Variants in SDHAF1 observed in about 807,000 individuals in gnomAD.
The protein encoded by SDHAF1 is succinate dehydrogenase assembly factor 1, mitochondrial.
For synonymous variants in SDHAF1, 81 were observed against 85.8 expected (o/e 0.94, Z 0.31); for missense variants, 198 against 179.0 (o/e 1.11, Z -0.61).
rs1026663549 is a variant in SDHAF1 at position 35,995,518 on chromosome 19, A to T, written c.244A>T (p.Thr82Ser). 1 of 1,534,550 alleles carries T rather than the reference A, an allele frequency of 6.5e-7. No individual in the cohort carries two copies. Among genetic ancestry groups the T allele is most frequent in the Admixed American group, 2.0e-5 (1 of 50,982 alleles). Residue 82 changes from threonine to serine, a missense_variant, in exon 1 of 1, where the codon ACC becomes TCC. Physicochemically the swap from Thr to Ser is moderately conservative, Grantham distance 58. Transcript: ENST00000378887. ...CGCCTTCGTACGCCCGCGGGCCCCG[A>T]CCGGGGAGCCTGGCGGCGTGGGTTG... ...MGAFVRPRAPTGEPGGVGCQP... is the reference protein window; with the variant it reads ...MGAFVRPRAPSGEPGGVGCQP...
chr19:35,995,755 A>C lies in SDHAF1; in HGVS notation c.*133A>C. 1 of 715,780 alleles carries C rather than the reference A, an allele frequency of 1.4e-6. No individual in the cohort carries two copies. The highest frequency in any genetic ancestry group is 1.9e-5 in the African/African-American group (1 of 53,820). The allele number at this position is 715,780 out of a possible 1,614,324, so 44.3% of individuals were successfully genotyped here. The stretch of plus-strand genomic sequence containing the variant: ...GCTTGACGAATTGGGGATGTCAGAG[A>C]CTCCTCCTTGGCGACGCAGGGGGCC... On this transcript the variant is annotated 3_prime_UTR_variant, in exon 1 of 1. Transcript: ENST00000378887.
Position 35,995,250 on chromosome 19 carries a change from T to A in SDHAF1, c.-25T>A. ...GCTCCGCGGTTCGCAGGTCGTTCGC[T>A]GAGCGTCTCTGCTTAGCCGCGGTCA... On this transcript the variant is annotated 5_prime_UTR_variant, in exon 1 of 1. Coordinates refer to ENST00000378887, the MANE Select transcript of SDHAF1 (RefSeq NM_001042631.3). 6.7e-7 allele frequency: 1 copy of A among 1,502,912 alleles called. No homozygotes were observed. Among genetic ancestry groups the A allele is most frequent in the Non-Finnish European group, 8.9e-7 (1 of 1,120,748 alleles). 93.1% of individuals were successfully genotyped at this position (1,502,912 alleles called of 1,614,324 possible). A position where few individuals can be genotyped will look rare whatever the true frequency, so the allele number is the denominator to read the frequency against.
Position 35,995,376 on chromosome 19 carries a change from A to AGAGTTCCGGCAGCATGCGGGCC in SDHAF1, c.103_124dup (p.Leu42ArgfsTer59). On this transcript the variant is annotated frameshift_variant, in exon 1 of 1. Transcript: ENST00000378887. LOFTEE classifies it low-confidence loss of function (END_TRUNC). ...CGGGCGCCGAGGCGCGAGTGCGGGC[A>AGAGTTCCGGCAGCATGCGGGCC]GAGTTCCGGCAGCATGCGGGCCTGC... The AGAGTTCCGGCAGCATGCGGGCC allele has an allele frequency of 6.4e-7, 1 of 1,558,516 alleles. No individual in the cohort carries two copies. The highest frequency in any genetic ancestry group is 8.6e-7 in the Non-Finnish European group (1 of 1,159,728).
chr19:35,995,800 C>G lies in SDHAF1; in HGVS notation c.*178C>G, dbSNP rs1160988770. 4 of 598,396 alleles carry G rather than the reference C, an allele frequency of 6.7e-6. No individual in the cohort carries two copies. The highest frequency in any genetic ancestry group is 1.2e-5 in the Non-Finnish European group (4 of 336,258). 37.1% of individuals were successfully genotyped at this position (598,396 alleles called of 1,614,324 possible). On this transcript the variant is annotated 3_prime_UTR_variant, in exon 1 of 1. Coordinates refer to ENST00000378887, the MANE Select transcript of SDHAF1 (RefSeq NM_001042631.3). ...GGGGCCTAGAGAGCCCCGTGATGGA[C>G]GGCAAGGGAGGCCCGCCTTTTCCGA...
Position 35,995,889 on chromosome 19 carries a change from G to C in SDHAF1, c.*267G>C, listed in dbSNP as rs535335153. The C allele has an allele frequency of 1.8e-4, 94 of 532,572 alleles. No individual in the cohort carries two copies. Among genetic ancestry groups the C allele is most frequent in the African/African-American group, 1.6e-3 (78 of 49,700 alleles). 33.0% of individuals were successfully genotyped at this position (532,572 alleles called of 1,614,324 possible). A position where few individuals can be genotyped will look rare whatever the true frequency, so the allele number is the denominator to read the frequency against. ...TTGGGGCGGCCTGGGACGCTGGCGG[G>C]CTGGACAGTGTCAAGCCAAGAGCTA... is the stretch of plus-strand genomic sequence containing the variant. On this transcript the variant is annotated 3_prime_UTR_variant, in exon 1 of 1. Coordinates refer to ENST00000378887, the MANE Select transcript of SDHAF1 (RefSeq NM_001042631.3).
Position 35,995,853 on chromosome 19 carries a change from C to T in SDHAF1, c.*231C>T. ...CTTGGAGACAGGTCGGTGCTCCTCC[C>T]CCATGAGGGCTTGGGGCGGCCTGGG... On this transcript the variant is annotated 3_prime_UTR_variant, in exon 1 of 1. Coordinates refer to ENST00000378887, the MANE Select transcript of SDHAF1 (RefSeq NM_001042631.3). 1 of 568,028 alleles carries T rather than the reference C, an allele frequency of 1.8e-6. No individual in the cohort carries two copies. The allele number at this position is 568,028 out of a possible 1,614,324, so 35.2% of individuals were successfully genotyped here.
Position 35,995,659 on chromosome 19 carries a change from A to T in SDHAF1, c.*37A>T. The T allele has an allele frequency of 1.3e-6, 2 of 1,488,064 alleles. No individual in the cohort carries two copies. Among genetic ancestry groups the T allele is most frequent in the Non-Finnish European group, 1.8e-6 (2 of 1,090,718 alleles). 92.2% of individuals were successfully genotyped at this position (1,488,064 alleles called of 1,614,324 possible). On this transcript the variant is annotated 3_prime_UTR_variant, in exon 1 of 1. Coordinates refer to ENST00000378887, the MANE Select transcript of SDHAF1 (RefSeq NM_001042631.3). ...CCGAACTCGCTCGATGGCGTGGTGG[A>T]GCCAGGAGGCTCGCCTGACTGCATG...
rs1369632878 is a variant in SDHAF1 at position 35,995,240 on chromosome 19, G to A, written c.-35G>A. 2 of 1,456,804 alleles carry A rather than the reference G, an allele frequency of 1.4e-6. No homozygotes were observed. Among genetic ancestry groups the A allele is most frequent in the Non-Finnish European group, 1.9e-6 (2 of 1,079,746 alleles). The allele number at this position is 1,456,804 out of a possible 1,614,324, so 90.2% of individuals were successfully genotyped here. A position where few individuals can be genotyped will look rare whatever the true frequency, so the allele number is the denominator to read the frequency against. ...CTGTGTGGCGGCTCCGCGGTTCGCA[G>A]GTCGTTCGCTGAGCGTCTCTGCTTA... On this transcript the variant is annotated 5_prime_UTR_variant, in exon 1 of 1. Coordinates refer to ENST00000378887, the MANE Select transcript of SDHAF1 (RefSeq NM_001042631.3).
rs768768823 is a variant in SDHAF1, at chr19:35,995,430, C to A, written c.156C>A (p.Tyr52Ter). The change falls in exon 1 of 1, where the codon TAC becomes TAA. Residue 52 changes from tyrosine to a stop codon, truncating the protein, a stop_gained. Transcript: ENST00000378887. LOFTEE classifies it low-confidence loss of function (END_TRUNC). The stretch of plus-strand genomic sequence containing the variant: ...GGTCCGACGTGCTGCGCATCGAGTA[C>A]CTGTACCGCCGCGGGCGGCGCCAGC... ...LPRSDVLRIE[Y>*]LYRRGRRQLQ... is the part of the protein sequence containing the mutation. 15 of 1,570,612 alleles carry A rather than the reference C, an allele frequency of 9.6e-6. No homozygotes were observed. In the Admixed American group the frequency reaches 2.5e-4, roughly 26 times the overall value.
In SDHAF1 at chr19:35,995,289, C is replaced by T. The variant is rs1196619888; in HGVS notation, c.15C>T (p.Ser5=). Residue 5 remains serine (S), a synonymous_variant, in exon 1 of 1, where the codon AGC becomes AGT. Transcript: ENST00000378887. The stretch of plus-strand genomic sequence containing the variant: ...TAGCCGCGGTCATGAGCCGGCACAG[C>T]CGGCTGCAGAGGCAGGTTCTGAGCC... The part of the protein sequence containing the change: MSRH[S]RLQRQVLSLY... The T allele has an allele frequency of 2.5e-5, 38 of 1,541,098 alleles. No individual in the cohort carries two copies. The highest frequency in any genetic ancestry group is 3.2e-5 in the Non-Finnish European group (37 of 1,149,810).
chr19:35,995,471 C>A lies in SDHAF1; in HGVS notation c.197C>A (p.Ser66Ter). Residue 66 changes from serine (S) to a stop codon, truncating the protein, a stop_gained, in exon 1 of 1, where the codon TCG (serine) becomes TAG (stop). Transcript: ENST00000378887. LOFTEE classifies it low-confidence loss of function (END_TRUNC). ...CGGCGCCAGCTGCAGCTGCTACGCT[C>A]GGGCCACGCCACCGCCATGGGCGCC... ...RGRRQLQLLR[S>*]GHATAMGAFV... is the part of the protein sequence containing the mutation. The A allele has an allele frequency of 1.3e-6, 2 of 1,556,554 alleles. No homozygotes were observed. Among genetic ancestry groups the A allele is most frequent in the Non-Finnish European group, 8.6e-7 (1 of 1,158,264 alleles).
At position 35,995,507 on chromosome 19, in the gene SDHAF1, C is replaced by T; in HGVS notation, c.233C>T (p.Pro78Leu). 1 of 1,536,400 alleles carries T rather than the reference C, an allele frequency of 6.5e-7. No individual in the cohort carries two copies. Residue 78 changes from proline to leucine, a missense_variant, in exon 1 of 1, where the codon CCG becomes CTG. Coordinates refer to ENST00000378887, the MANE Select transcript of SDHAF1 (RefSeq NM_001042631.3). The stretch of plus-strand genomic sequence containing the variant: ...ACCGCCATGGGCGCCTTCGTACGCC[C>T]GCGGGCCCCGACCGGGGAGCCTGGC... ...HATAMGAFVRPRAPTGEPGGV... is the reference protein window; with the variant it reads ...HATAMGAFVRLRAPTGEPGGV...
Position 35,995,426 on chromosome 19 carries a change from A to T in SDHAF1, c.152A>T (p.Glu51Val), listed in dbSNP as rs1217262752. 3 of 1,571,488 alleles carry T rather than the reference A, an allele frequency of 1.9e-6. No homozygotes were observed. The highest frequency in any genetic ancestry group is 3.5e-5 in the Admixed American group (2 of 57,180). The change falls in exon 1 of 1, where the codon GAG (glutamate) becomes GTG (valine). Residue 51 changes from glutamate (E) to valine (V), a missense_variant. By Grantham distance (121) the Glu-to-Val change is moderately radical (BLOSUM62 -2). Coordinates refer to ENST00000378887, the MANE Select transcript of SDHAF1 (RefSeq NM_001042631.3). ...CCGCGGTCCGACGTGCTGCGCATCG[A>T]GTACCTGTACCGCCGCGGGCGGCGC... ...GLPRSDVLRIEYLYRRGRRQL... is the reference protein window; with the variant it reads ...GLPRSDVLRIVYLYRRGRRQL...
Position 35,996,001 on chromosome 19 carries a change from C to CTTAT in SDHAF1, c.*379_*380insTTAT, listed in dbSNP as rs1372579594. 3.9e-6 allele frequency: 1 copy of CTTAT among 259,440 alleles called. No homozygotes were observed. The highest frequency in any genetic ancestry group is 2.3e-5 in the African/African-American group (1 of 43,526). 16.1% of individuals were successfully genotyped at this position (259,440 alleles called of 1,614,324 possible). ...CTTCTCTTGACCCCTGAGAACATAC[C>CTTAT]CACTTCTGGCTCCTCAAGGAGTCTC... On this transcript the variant is annotated 3_prime_UTR_variant, in exon 1 of 1. Transcript: ENST00000378887.
At position 35,995,232 on chromosome 19, in the gene SDHAF1, G is replaced by A. The variant is rs768366844; in HGVS notation, c.-43G>A. 7 of 1,400,438 alleles carry A rather than the reference G, an allele frequency of 5.0e-6. No homozygotes were observed. The South Asian group carries it at 5.0e-5, about 10-fold the overall frequency. 86.8% of individuals were successfully genotyped at this position (1,400,438 alleles called of 1,614,324 possible). ...TTTGCTGGCTGTGTGGCGGCTCCGC[G>A]GTTCGCAGGTCGTTCGCTGAGCGTC... On this transcript the variant is annotated 5_prime_UTR_variant, in exon 1 of 1. Transcript: ENST00000378887.
In SDHAF1 at chr19:35,995,565, T is replaced by C; in HGVS notation, c.291T>C (p.Ser97=). The C allele has an allele frequency of 6.5e-7, 1 of 1,540,924 alleles. No homozygotes were observed. Among genetic ancestry groups the C allele is most frequent in the Non-Finnish European group, 8.7e-7 (1 of 1,146,724 alleles). The change falls in exon 1 of 1, where the codon AGT becomes AGC. Residue 97 remains serine, a synonymous_variant. Transcript: ENST00000378887. ...GTTGCCAGCCTGACGACGGCGACAG[T>C]CCAAGGAACCCCCACGACAGCACGG... ...GVGCQPDDGD[S]PRNPHDSTGA... is the part of the protein sequence containing the mutation.
chr19:35,995,212 T>G lies in SDHAF1; in HGVS notation c.-63T>G. 3.2e-6 allele frequency: 4 copies of G among 1,244,286 alleles called. No individual in the cohort carries two copies. Among genetic ancestry groups the G allele is most frequent in the Non-Finnish European group, 2.2e-6 (2 of 891,658 alleles). The allele number at this position is 1,244,286 out of a possible 1,614,324, so 77.1% of individuals were successfully genotyped here. ...TGTGGCTTTGCCCTTTGGCCTTTGCTGGCTGTGTGGCGGCTCCGCGGTTCG... is the reference window on the plus strand; with the variant it reads ...TGTGGCTTTGCCCTTTGGCCTTTGCGGGCTGTGTGGCGGCTCCGCGGTTCG... On this transcript the variant is annotated 5_prime_UTR_variant, in exon 1 of 1. Transcript: ENST00000378887.
rs376572579 is a variant in SDHAF1 at position 35,995,617 on chromosome 19, C to A, written c.343C>A (p.Arg115=). 5.2e-6 allele frequency: 8 copies of A among 1,547,820 alleles called. No homozygotes were observed. In the African/African-American group the frequency reaches 1.1e-4, roughly 21 times the overall value. ...TGAPETRPDG[R] ...GGCACCGGAGACCCGCCCCGACGGA[C>A]GGTGACAGGCGAAGAGCCGAACTCG... The change falls in exon 1 of 1, where the codon CGG becomes AGG. Residue 115 remains arginine (R), a synonymous_variant. Transcript: ENST00000378887.
chr19:35,995,982 T>C lies in SDHAF1; in HGVS notation c.*360T>C. Reference sequence around the variant, plus strand: ...AGGGAGAGCCTGAGACGCCCTTCTCTTGACCCCTGAGAACATACCCACTTC... The same window carrying C: ...AGGGAGAGCCTGAGACGCCCTTCTCCTGACCCCTGAGAACATACCCACTTC... On this transcript the variant is annotated 3_prime_UTR_variant, in exon 1 of 1. Coordinates refer to ENST00000378887, the MANE Select transcript of SDHAF1 (RefSeq NM_001042631.3). The C allele has an allele frequency of 3.0e-6, 1 of 333,036 alleles. No homozygotes were observed. The highest frequency in any genetic ancestry group is 3.8e-5 in the South Asian group (1 of 26,366). The allele number at this position is 333,036 out of a possible 1,614,324, so 20.6% of individuals were successfully genotyped here. A position where few individuals can be genotyped will look rare whatever the true frequency, so the allele number is the denominator to read the frequency against.
Sources: gnomAD v4.1 joint callset for allele counts on GRCh38, gnomAD v4.1.1 for gene constraint, MANE v1.5 for transcripts, NCBI Gene and HGNC (gene_info 2026-07-23, HGNC 2026-07-21) for gene names.